Variants in SLC1A3 observed in about 807,000 individuals in gnomAD.
The protein encoded by SLC1A3 is solute carrier family 1 member 3, also known as excitatory amino acid transporter 1.
A neutral mutation model predicts 48.1 loss-of-function variants in SLC1A3; 21 were observed. The ratio of observed to expected loss-of-function variants is 0.44; its 90% CI spans 0.31 to 0.63. SLC1A3 has a LOEUF of 0.63. Among genes scored for constraint, SLC1A3 ranks in the 20% least tolerant of loss-of-function variants. The pLI is 0.08. For missense variants in SLC1A3, 546 were observed against 689.0 expected (o/e 0.79, Z 2.32); for synonymous variants, 239 against 251.4 (o/e 0.95, Z 0.47).
chr5:36,682,775 A>G (rs1742488670), intron 8 of SLC1A3, among the ~76,000 whole-genome samples: 1 of 152,188 alleles, frequency 6.6e-6, no homozygotes, highest in Non-Finnish European at 1.5e-5. Context: ...ACCTCCATGC[A>G]TGTCTGACTG....
chr5:36,668,346 T>A (rs1166947397), intron 3 of SLC1A3: 1 of 152,374 alleles, frequency 6.6e-6, no homozygotes, highest in African/African-American at 2.4e-5. Context: ...ATTTTCCTGA[T>A]GCCACCAGTA....
intron 3 of SLC1A3, among the ~76,000 whole-genome samples, chr5:36,632,075 G>C (rs1383438735): frequency 6.6e-6 from 1 of 152,174 alleles, no homozygotes; most frequent in Non-Finnish European, 1.5e-5. Context: ...TAGAGTCATG[G>C]ATACAGAGAA....
intron 2 of SLC1A3, among the ~76,000 whole-genome samples, chr5:36,625,645 C>T (rs1051723152): frequency 6.6e-6 from 1 of 152,080 alleles, no homozygotes; most frequent in Non-Finnish European, 1.5e-5. Flanking sequence ...CCAACCAAAG[C>T]ATAGTCAGGG....
chr5:36,617,503 C>T (rs1739487793), intron 2 of SLC1A3, among the ~76,000 whole-genome samples: 1 of 133,264 alleles, frequency 7.5e-6, no homozygotes, highest in Non-Finnish European at 1.5e-5. Flanking sequence ...AATAGAAAAG[C>T]TTATAAAAAG....
At position 36,679,364 on chromosome 5, in the gene SLC1A3, C is replaced by T. The variant is rs7710493; in HGVS notation, c.861-263C>T. Among the ~76,000 whole-genome samples the T allele has an allele frequency of 1.0e-3, 157 of 152,252 alleles. No individual in the cohort carries two copies. The highest frequency in any genetic ancestry group is 0.01 in the Middle Eastern group (3 of 294). ...TTTTCCCCCAGGTCTAAGAGAAAAA[C>T]ATTGTGTCCTAGAGCAATTCTCAGT... On this transcript the variant is annotated intron_variant, in intron 6 of 9. Transcript: ENST00000265113.
At chr5:36,653,841 TTTTG>T (rs774354669) in intron 3 of SLC1A3, among the ~76,000 whole-genome samples, 67 of 152,258 alleles carry the variant, frequency 4.4e-4, no homozygotes, top group African/African-American at 1.4e-3. Flanking sequence ...ATATTGATGC[TTTTG>T]TTTGTTTGTT....
chr5:36,605,638 T>C (rs1738902494), upstream of SLC1A3, among the ~76,000 whole-genome samples: 1 of 152,236 alleles, frequency 6.6e-6, no homozygotes, highest in Admixed American at 6.5e-5. Context: ...GATTCTGGTA[T>C]AAATTTTTGT....
intron 2 of SLC1A3, 41 bp downstream of exon 2, chr5:36,608,645 T>G: frequency 6.2e-7 from 1 of 1,608,736 alleles, no homozygotes; most frequent in East Asian, 2.2e-5. Context: ...TGTATCTTGT[T>G]TCTCTGGGGC....
upstream of SLC1A3, among the ~76,000 whole-genome samples, chr5:36,604,155 C>A (rs974459163): frequency 6.6e-6 from 1 of 152,132 alleles, no homozygotes; most frequent in Non-Finnish European, 1.5e-5. Flanking sequence ...AAGATCTTGA[C>A]AGATTTTTTC....
chr5:36,653,769 C>T (rs570490701), intron 3 of SLC1A3, among the ~76,000 whole-genome samples: 1 of 152,290 alleles, frequency 6.6e-6, no homozygotes, highest in South Asian at 2.1e-4. Flanking sequence ...GAGTGGCATA[C>T]AATAAGTGCT....
intron 5 of SLC1A3, among the ~76,000 whole-genome samples, 194 bp downstream of exon 5, chr5:36,674,285 G>C (rs1356585730): frequency 6.6e-6 from 1 of 152,150 alleles, no homozygotes; most frequent in African/African-American, 2.4e-5. Context: ...AAGCTTAGTA[G>C]TTGTCAGACA....
At chr5:36,665,920 G>T (rs1216430860) in intron 3 of SLC1A3, among the ~76,000 whole-genome samples, 5 of 152,176 alleles carry the variant, frequency 3.3e-5, no homozygotes, top group Non-Finnish European at 7.3e-5. Context: ...TTAATGATTT[G>T]TCTTCGGTTC....
chr5:36,617,359 A>G (rs1739476897), intron 2 of SLC1A3, among the ~76,000 whole-genome samples: 1 of 150,098 alleles, frequency 6.7e-6, no homozygotes, highest in African/African-American at 2.4e-5. Flanking sequence ...CAGCAAAAAT[A>G]TTGCAGAAAA....
intron 3 of SLC1A3, among the ~76,000 whole-genome samples, chr5:36,654,334 G>A (rs1270090068): frequency 6.6e-6 from 1 of 152,194 alleles, no homozygotes; most frequent in African/African-American, 2.4e-5. Context: ...ATGAAGGGTG[G>A]TTTGTGTATC....
At chr5:36,618,895 A>G (rs1288046201) in intron 2 of SLC1A3, among the ~76,000 whole-genome samples, 2 of 152,234 alleles carry the variant, frequency 1.3e-5, no homozygotes, top group African/African-American at 2.4e-5. Context: ...CTGTAGGATT[A>G]TTTGTAAATT....
intron 2 of SLC1A3, among the ~76,000 whole-genome samples, chr5:36,627,754 G>A (rs926715451): frequency 1.3e-5 from 2 of 152,192 alleles, no homozygotes; most frequent in African/African-American, 4.8e-5. Flanking sequence ...ACACAAAGTG[G>A]TTGCCTTTGC....
At position 36,653,285 on chromosome 5, in the gene SLC1A3, C is replaced by T. The variant is rs139270184; in HGVS notation, c.320-17744C>T. On this transcript the variant is annotated intron_variant, in intron 3 of 9. Transcript: ENST00000265113. ...GCTAGGTGTTTGGCAGCATTGTGAG[C>T]GACACTGGTTTTCAAAATTTAGGTT... Among the ~76,000 whole-genome samples, 282 of 152,272 alleles carry T rather than the reference C, an allele frequency of 1.9e-3. 4 individuals carry two copies. Among genetic ancestry groups the T allele is most frequent in the African/African-American group, 6.6e-3 (273 of 41,552 alleles).
At chr5:36,610,948 A>T (rs888512635) in intron 2 of SLC1A3, among the ~76,000 whole-genome samples, 2 of 152,178 alleles carry the variant, frequency 1.3e-5, no homozygotes, top group African/African-American at 4.8e-5. Flanking sequence ...TACATCAAAG[A>T]CTTGGAATAG....
At chr5:36,661,038 CTT>C (rs1376539282) in intron 3 of SLC1A3, among the ~76,000 whole-genome samples, 13 of 152,192 alleles carry the variant, frequency 8.5e-5, no homozygotes, top group Admixed American at 8.5e-4. Context: ...TTTGCACACT[CTT>C]TTTACTGGCC....
Sources: allele counts gnomAD v4.1 joint callset (sites outside exome capture counted in the v4.1 genomes callset), GRCh38; gene constraint gnomAD v4.1.1; transcripts MANE v1.5; gene names NCBI Gene and HGNC (gene_info 2026-07-23, HGNC 2026-07-21).